The following ATM variants were observed in gnomAD, a reference collection of about 807,000 sequenced individuals.
ATM encodes the protein ATM serine/threonine kinase.
Under a neutral mutation model 387.0 loss-of-function variants are expected in ATM, and 308 were observed. The observed-to-expected ratio is 0.80, with a 90% CI of 0.73 to 0.87. ATM has a LOEUF of 0.87. Among genes scored for constraint, ATM ranks in the 40% least tolerant of loss-of-function variants. ATM has a pLI of 0.00. For synonymous variants in ATM, 1,156 were observed against 1,187.3 expected (o/e 0.97, Z 0.54); for missense variants, 3,312 against 3,560.9 (o/e 0.93, Z 1.78).
chr11:108,320,154 T>C lies in ATM; in HGVS notation c.6452+96T>C. The C allele has an allele frequency of 4.2e-6, 4 of 944,026 alleles. 1 individual carries two copies. The highest frequency in any genetic ancestry group is 2.8e-5 in the South Asian group (2 of 72,556). 58.5% of individuals were successfully genotyped at this position (944,026 alleles called of 1,614,324 possible). Reference sequence around the variant, plus strand: ...AACAATTTTAATGTAAGGATTTGCATTGATGAAGAGATAAAGACTTGGTGG... The same window carrying C: ...AACAATTTTAATGTAAGGATTTGCACTGATGAAGAGATAAAGACTTGGTGG... On this transcript the variant is annotated intron_variant, in intron 44 of 62. Transcript: ENST00000675843.
chr11:108,329,393 C>A, intron 49 of ATM, 155 bp downstream of exon 49: 1 of 733,818 alleles, frequency 1.4e-6, no homozygotes, highest in Non-Finnish European at 2.2e-6. Flanking sequence ...CTTTTGGGTT[C>A]TTTTCGGTTT....
rs2135365137 is a variant in ATM, at chr11:108,253,800, T to C, written c.1899-14T>C. 3.7e-6 allele frequency: 6 copies of C among 1,601,562 alleles called. No homozygotes were observed. The highest frequency in any genetic ancestry group is 5.1e-6 in the Non-Finnish European group (6 of 1,170,038). On this transcript the variant is annotated splice_polypyrimidine_tract_variant and intron_variant, in intron 12 of 62. Coordinates refer to ENST00000675843, the MANE Select transcript of ATM (RefSeq NM_000051.4). Reference sequence around the variant, plus strand: ...GTACTTGGTTTATATATTAAAGATCTTACTTTCTTGAAGTGAACACCACCA... The same window carrying C: ...GTACTTGGTTTATATATTAAAGATCCTACTTTCTTGAAGTGAACACCACCA...
chr11:108,306,170 G>C (rs2083678588), intron 37 of ATM, among the ~76,000 whole-genome samples: 1 of 151,754 alleles, frequency 6.6e-6, no homozygotes, highest in Non-Finnish European at 1.5e-5. Context: ...TTTTCTGTTG[G>C]CTAACAGCAA....
chr11:108,240,257 A>C (rs1020131897), intron 5 of ATM, among the ~76,000 whole-genome samples: 1 of 152,114 alleles, frequency 6.6e-6, no homozygotes, highest in East Asian at 1.9e-4. Flanking sequence ...ATTTTTCACT[A>C]TTACAGAATC....
intron 31 of ATM, among the ~76,000 whole-genome samples, chr11:108,294,525 A>T (rs1016190745): frequency 5.9e-5 from 9 of 152,208 alleles, no homozygotes; most frequent in African/African-American, 1.9e-4. Context: ...AGATCATCTG[A>T]GGTCAGGAGT....
intron 18 of ATM, among the ~76,000 whole-genome samples, chr11:108,270,230 A>G (rs547552798): frequency 5.6e-4 from 85 of 152,320 alleles, no homozygotes; most frequent in Non-Finnish European, 1.1e-3. Context: ...AGATTGCCTT[A>G]TGGGAAGATA....
intron 4 of ATM, chr11:108,230,417 A>G (rs780419028): frequency 7.9e-5 from 12 of 152,218 alleles, no homozygotes; most frequent in Admixed American, 4.6e-4. Context: ...CTGTCAAAAA[A>G]AGAAAAGTAT....
rs934088353 is a variant in ATM, at chr11:108,368,629, T to C, written c.*3121T>C. On this transcript the variant is annotated 3_prime_UTR_variant, in exon 63 of 63. Transcript: ENST00000675843. The stretch of plus-strand genomic sequence containing the variant: ...AAAGAATCTGGGGTTTGCCAGTCAG[T>C]TGCTCAAAAGGTCAATGAAAACCAA... 14 of 217,724 alleles carry C rather than the reference T, an allele frequency of 6.4e-5. No homozygotes were observed. The highest frequency in any genetic ancestry group is 1.2e-4 in the Non-Finnish European group (13 of 108,410). The allele number at this position is 217,724 out of a possible 1,614,324, so 13.5% of individuals were successfully genotyped here.
At chr11:108,233,796 A>G (rs140132077) in intron 4 of ATM, among the ~76,000 whole-genome samples, 3 of 152,178 alleles carry the variant, frequency 2.0e-5, no homozygotes, top group African/African-American at 7.2e-5. Flanking sequence ...GCAGTGAGTC[A>G]TAATGGGGCC....
rs1555090118 is a variant in ATM, at chr11:108,279,514, A to C, written c.3308A>C (p.Asp1103Ala). The C allele has an allele frequency of 6.2e-7, 1 of 1,612,648 alleles. No homozygotes were observed. The highest frequency in any genetic ancestry group is 8.5e-7 in the Non-Finnish European group (1 of 1,179,122). Reference protein sequence around the residue: ...INRLFQDTKGDSSRLLKALPL... With the variant: ...INRLFQDTKGASSRLLKALPL... The stretch of plus-strand genomic sequence containing the variant: ...AGATTGTTCCAGGACACGAAGGGAG[A>C]TTCTTCCAGGTTACTGAAAGCACTT... The change falls in exon 23 of 63, where the codon GAT (aspartate) becomes GCT (alanine). Residue 1103 changes from aspartate to alanine, a missense_variant. Asp to Ala is a moderately radical substitution (Grantham distance 126, BLOSUM62 -2). Transcript: ENST00000675843.
chr11:108,347,504 A>G (rs904425675), intron 59 of ATM, 139 bp downstream of exon 59: 1 of 711,268 alleles, frequency 1.4e-6, no homozygotes. Flanking sequence ...TGTTTTCAGC[A>G]TAAACAGTTG....
rs777301065 is a variant in ATM, at chr11:108,251,938, T to C, written c.1709T>C (p.Phe570Ser). Residue 570 changes from phenylalanine (F) to serine (S), a missense_variant, in exon 11 of 63, where the codon TTT becomes TCT. Phe to Ser is a radical substitution (Grantham distance 155). This residue lies in a region of ATM where 1,791 missense variants were observed against 1,804.5 expected (regional missense o/e 0.99). Transcript: ENST00000675843. ...EQNMCEVNRS[F>S]SLKESIMKWL... ...AATATGTGTGAAGTAAATAGAAGCT[T>C]TTCTTTAAAGGAATCAATAATGAAA... 2 of 1,613,894 alleles carry C rather than the reference T, an allele frequency of 1.2e-6. No homozygotes were observed. The highest frequency in any genetic ancestry group is 1.7e-6 in the Non-Finnish European group (2 of 1,179,810).
At chr11:108,329,304 G>T (rs1373764525) in intron 49 of ATM, 66 bp downstream of exon 49, 2 of 1,396,454 alleles carry the variant, frequency 1.4e-6, no homozygotes, top group Non-Finnish European at 2.0e-6. Context: ...TTTTTGCATA[G>T]AAAGAGTGAC....
At position 108,294,960 on chromosome 11, in the gene ATM, G is replaced by T; in HGVS notation, c.4810G>T (p.Asp1604Tyr). The change falls in exon 32 of 63, where the codon GAT becomes TAT. Residue 1604 changes from aspartate to tyrosine, a missense_variant. Coordinates refer to ENST00000675843, the MANE Select transcript of ATM (RefSeq NM_000051.4). ...CCATTTTCTCTCAGTAAGTGTTTAT[G>T]ATGCACTTCCATTGACAAGACTTGA... Reference protein sequence around the residue: ...INHFLSVSVYDALPLTRLEGL... With the variant: ...INHFLSVSVYYALPLTRLEGL... 2 of 1,613,768 alleles carry T rather than the reference G, an allele frequency of 1.2e-6. No individual in the cohort carries two copies. The highest frequency in any genetic ancestry group is 2.2e-5 in the South Asian group (2 of 91,070).
At chr11:108,230,300 C>T (rs1363284365) in intron 4 of ATM, 2 of 152,156 alleles carry the variant, frequency 1.3e-5, no homozygotes, top group South Asian at 2.1e-4. Context: ...CTTGTAATTC[C>T]AGCTACTTGG....
At chr11:108,324,989 G>A (rs1299575230) in intron 45 of ATM, among the ~76,000 whole-genome samples, 2 of 152,080 alleles carry the variant, frequency 1.3e-5, no homozygotes, top group African/African-American at 4.8e-5. Context: ...CTTTATGATA[G>A]GTCTGATGAA....
rs2135887733 is a variant in ATM, at chr11:108,299,712, A to G, written c.5006-2A>G. The G allele has an allele frequency of 6.2e-7, 1 of 1,613,500 alleles. No homozygotes were observed. The highest frequency in any genetic ancestry group is 8.5e-7 in the Non-Finnish European group (1 of 1,179,704). On this transcript the variant is annotated splice_acceptor_variant, in intron 33 of 62. Transcript: ENST00000675843. LOFTEE classifies it high-confidence loss of function. ...CTACTGAAATAGAATTTCTATATGTAGAGGCTGTTGGAAGCTGCTTGGGAG... is the reference window on the plus strand; with the variant it reads ...CTACTGAAATAGAATTTCTATATGTGGAGGCTGTTGGAAGCTGCTTGGGAG...
At chr11:108,246,243 T>G (rs1380182114) in intron 7 of ATM, among the ~76,000 whole-genome samples, 1 of 152,200 alleles carries the variant, frequency 6.6e-6, no homozygotes, top group African/African-American at 2.4e-5. Context: ...TGACTTTTAA[T>G]AGTTTTTCAT....
rs587778079 is a variant in ATM at position 108,332,006 on chromosome 11, A to G, written c.7757A>G (p.Asn2586Ser). 35 of 1,613,900 alleles carry G rather than the reference A, an allele frequency of 2.2e-5. No homozygotes were observed. In the Admixed American group the frequency reaches 5.7e-4, roughly 26 times the overall value. ...EVARRSRITKNVPKQSSQLDE... is the reference protein window; with the variant it reads ...EVARRSRITKSVPKQSSQLDE... ...GCCAGAAGAAGCAGAATAACTAAAA[A>G]TGTGCCTAAACAAAGCTCTCAGCTT... The change falls in exon 52 of 63, where the codon AAT (asparagine) becomes AGT (serine). Residue 2586 changes from asparagine (N) to serine (S), a missense_variant. Asn to Ser is a conservative substitution (Grantham distance 46, BLOSUM62 1). Transcript: ENST00000675843.
Sources: gnomAD v4.1 joint callset for allele counts (sites outside exome capture counted in the v4.1 genomes callset) on GRCh38, gnomAD v4.1.1 for gene constraint, gnomAD v4.1.1 regional missense constraint, MANE v1.5 for transcripts, NCBI Gene and HGNC (gene_info 2026-07-23, HGNC 2026-07-21) for gene names.